Variants in EBF1 observed in about 807,000 individuals in gnomAD.
The protein encoded by EBF1 is transcription factor COE1.
In EBF1, 10 loss-of-function variants were observed where a neutral mutation model predicts 68.4. The ratio of observed to expected loss-of-function variants is 0.15; its 90% confidence interval spans 0.09 to 0.25. EBF1 has a LOEUF of 0.25. EBF1 is among the 10% of genes least tolerant of loss of function. The pLI, the probability that EBF1 is intolerant of heterozygous loss-of-function variation, is 1.00. For missense variants in EBF1, 509 were observed against 794.4 expected (o/e 0.64, Z 4.32); for synonymous variants, 298 against 299.8 (o/e 0.99, Z 0.06).
chr5:158,957,793 T>C (rs1817436952), intron 6 of EBF1, among the ~76,000 whole-genome samples: 1 of 152,184 alleles, frequency 6.6e-6, no homozygotes, highest in African/African-American at 2.4e-5. Context: ...TCAAGGGAAA[T>C]GATTGGCAAA....
chr5:158,761,799 T>G (rs899923654), intron 10 of EBF1, among the ~76,000 whole-genome samples: 2 of 152,154 alleles, frequency 1.3e-5, no homozygotes, highest in Non-Finnish European at 2.9e-5. Flanking sequence ...TTTTGGTGAT[T>G]TCTTTAGAAA....
chr5:159,041,397 G>A (rs1221842402), intron 6 of EBF1, among the ~76,000 whole-genome samples: 1 of 152,084 alleles, frequency 6.6e-6, no homozygotes. Context: ...TTGGCTTTAA[G>A]GGAATATATA....
At chr5:159,095,472 C>T in intron 4 of EBF1, 148 bp downstream of exon 4, 1 of 818,594 alleles carries the variant, frequency 1.2e-6, no homozygotes, top group Non-Finnish European at 1.9e-6. Context: ...TGAATGGACA[C>T]TGGAAGGCCG....
At chr5:158,935,056 C>T (rs1233127963) in intron 6 of EBF1, among the ~76,000 whole-genome samples, 1 of 152,200 alleles carries the variant, frequency 6.6e-6, no homozygotes, top group Admixed American at 6.5e-5. Flanking sequence ...ATTTTTTAAT[C>T]TATTAGATTA....
chr5:159,062,725 G>A (rs1339590509), intron 6 of EBF1, among the ~76,000 whole-genome samples: 1 of 152,102 alleles, frequency 6.6e-6, no homozygotes, highest in African/African-American at 2.4e-5. Context: ...AAATCTGGTG[G>A]TTTGCAAAGG....
intron 11 of EBF1, among the ~76,000 whole-genome samples, chr5:158,723,562 T>C (rs540023404): frequency 6.6e-6 from 1 of 152,264 alleles, no homozygotes; most frequent in South Asian, 2.1e-4. Context: ...TTACAGTCAA[T>C]GTGTATTGCG....
At chr5:158,709,943 G>T (rs1285266065) in intron 14 of EBF1, among the ~76,000 whole-genome samples, 1 of 152,116 alleles carries the variant, frequency 6.6e-6, no homozygotes, top group Non-Finnish European at 1.5e-5. Flanking sequence ...GAGTTTTGGG[G>T]TGGGGGGCCA....
chr5:158,756,977 G>GA (rs112061808), intron 10 of EBF1, among the ~76,000 whole-genome samples: 14,875 of 124,568 alleles, frequency 0.12, 834 homozygotes, highest in East Asian at 0.19. Flanking sequence ...CCCTCATGCT[G>GA]AAAAAAAAAA....
intron 5 of EBF1, among the ~76,000 whole-genome samples, chr5:159,081,264 A>G (rs1779698509): frequency 2.6e-5 from 4 of 152,192 alleles, no homozygotes; most frequent in Admixed American, 2.6e-4. Flanking sequence ...ATTCTGTACA[A>G]TATTTGGAGA....
At chr5:159,048,501 T>G (rs1344634739) in intron 6 of EBF1, among the ~76,000 whole-genome samples, 1 of 152,188 alleles carries the variant, frequency 6.6e-6, no homozygotes, top group Admixed American at 6.5e-5. Context: ...CAGGAGATAA[T>G]GCTCTAGCCT....
chr5:159,096,633 T>C, intron 2 of EBF1: 2 of 622,422 alleles, frequency 3.2e-6, no homozygotes, highest in Non-Finnish European at 5.6e-6. Flanking sequence ...ACACAGGCTA[T>C]CCTCTTTCCA....
chr5:158,814,265 T>C (rs1783262631), intron 8 of EBF1, among the ~76,000 whole-genome samples: 1 of 152,032 alleles, frequency 6.6e-6, no homozygotes, highest in African/African-American at 2.4e-5. Flanking sequence ...ATAGCTTGAG[T>C]GCAGGAGTTT....
At chr5:158,817,767 C>G (rs886230398) in intron 8 of EBF1, among the ~76,000 whole-genome samples, 1 of 152,156 alleles carries the variant, frequency 6.6e-6, no homozygotes, top group Non-Finnish European at 1.5e-5. Context: ...TGCTTAGTAC[C>G]TCTCCTCTCT....
At chr5:158,957,131 C>T (rs1817296767) in intron 6 of EBF1, among the ~76,000 whole-genome samples, 1 of 152,134 alleles carries the variant, frequency 6.6e-6, no homozygotes, top group Admixed American at 6.5e-5. Context: ...TACATTATAC[C>T]ATTCACTCTT....
At chr5:158,775,001 G>T (rs766973347) in intron 10 of EBF1, among the ~76,000 whole-genome samples, 5 of 146,832 alleles carry the variant, frequency 3.4e-5, no homozygotes, top group Non-Finnish European at 6.0e-5. Flanking sequence ...AAAAAAAAAG[G>T]CTTCTTGTCT....
At position 159,044,618 on chromosome 5, in the gene EBF1, T is replaced by C. The variant is rs1374447529; in HGVS notation, c.554+28778A>G. On this transcript the variant is annotated intron_variant, in intron 6 of 15. Transcript: ENST00000313708. The stretch of plus-strand genomic sequence containing the variant: ...GAGTATGTACATTGCCACAGAGTAT[T>C]CATATAACATAAAAATTAAAAGTAA... Among the ~76,000 whole-genome samples, 4 of 152,178 alleles carry C rather than the reference T, an allele frequency of 2.6e-5. No homozygotes were observed. In the South Asian group the frequency reaches 6.2e-4, roughly 24 times the overall value.
rs144912604 is a variant in EBF1, at chr5:158,851,835, G to C, written c.555-11725C>G. On this transcript the variant is annotated intron_variant, in intron 6 of 15. Transcript: ENST00000313708. ...GGGAAGGGAATAGAAAGGAAGGGAC[G>C]GGAAGGGAAGAAGGGAAAAGGAGAA... Among the ~76,000 whole-genome samples the C allele has an allele frequency of 3.4e-3, 303 of 90,092 alleles. 1 individual carries two copies. Among genetic ancestry groups the C allele is most frequent in the Non-Finnish European group, 5.5e-3 (244 of 44,226 alleles). The allele number at this position is 90,092 out of a possible 152,430, so 59.1% of individuals were successfully genotyped here.
chr5:159,087,872 A>C (rs1409446233), intron 4 of EBF1, among the ~76,000 whole-genome samples: 1 of 152,182 alleles, frequency 6.6e-6, no homozygotes, highest in Admixed American at 6.6e-5. Flanking sequence ...GGATTTGCTC[A>C]GAAATAGTTA....
chr5:158,745,752 G>C (rs1767427100), intron 10 of EBF1, among the ~76,000 whole-genome samples: 1 of 152,174 alleles, frequency 6.6e-6, no homozygotes, highest in African/African-American at 2.4e-5. Context: ...GTTCTAATTG[G>C]AATATGGACC....
Sources: allele counts gnomAD v4.1 joint callset (sites outside exome capture counted in the v4.1 genomes callset), GRCh38; gene constraint gnomAD v4.1.1; transcripts MANE v1.5; gene names NCBI Gene and HGNC (gene_info 2026-07-23, HGNC 2026-07-21).